Variants in NUP93 observed in about 807,000 individuals in gnomAD.
The protein encoded by NUP93 is nuclear pore complex protein Nup93.
In NUP93, 55 loss-of-function variants were observed where a neutral mutation model predicts 107.8. The ratio of observed to expected loss-of-function variants is 0.51; its 90% confidence interval spans 0.41 to 0.64. NUP93 has a LOEUF of 0.64. Ranked by LOEUF, NUP93 falls within the 30% of genes least tolerant of loss-of-function variation. NUP93 has a pLI of 0.00. For missense variants in NUP93, 937 were observed against 1,044.7 expected (o/e 0.90, Z 1.42); for synonymous variants, 390 against 397.5 (o/e 0.98, Z 0.22).
rs1207028953 is a variant in NUP93, at chr16:56,845,453, G to A, written c.*844G>A. ...CTCATTAAGGTAATTGGCCAGGCAG[G>A]CTCATGGGTCACGTGCTGAGTCTGC... On this transcript the variant is annotated 3_prime_UTR_variant, in exon 22 of 22. Transcript: ENST00000308159. 1.3e-5 allele frequency: 2 copies of A among 152,200 alleles called. No homozygotes were observed. The highest frequency in any genetic ancestry group is 2.9e-5 in the Non-Finnish European group (2 of 68,070). The allele number at this position is 152,200 out of a possible 1,614,324, so 9.4% of individuals were successfully genotyped here. A position where few individuals can be genotyped will look rare whatever the true frequency, so the allele number is the denominator to read the frequency against.
At chr16:56,744,534 G>A (rs547387772) in intron 1 of NUP93, among the ~76,000 whole-genome samples, 5 of 152,326 alleles carry the variant, frequency 3.3e-5, no homozygotes, top group Admixed American at 3.3e-4. Flanking sequence ...TCTACTGATT[G>A]AGTAATAATG....
At chr16:56,832,505 A>G in intron 12 of NUP93, 117 bp downstream of exon 12, 5 of 753,436 alleles carry the variant, frequency 6.6e-6, no homozygotes, top group South Asian at 3.2e-5. Context: ...CAAAACTCCT[A>G]TAGATTGTCA....
intron 4 of NUP93, among the ~76,000 whole-genome samples, chr16:56,804,403 G>T (rs1485283673): frequency 6.6e-6 from 1 of 152,142 alleles, no homozygotes; most frequent in Admixed American, 6.5e-5. Flanking sequence ...TCTGACACTT[G>T]CTACAACTCT....
At chr16:56,839,783 C>T (rs1195970902) in intron 20 of NUP93, 179 bp downstream of exon 20, 14 of 588,542 alleles carry the variant, frequency 2.4e-5, no homozygotes, top group South Asian at 1.2e-4. Context: ...TGCATACATC[C>T]CCATCAGATT....
intron 3 of NUP93, among the ~76,000 whole-genome samples, chr16:56,777,021 CGTGT>C (rs142691435): frequency 1.3e-5 from 2 of 151,736 alleles, no homozygotes; most frequent in Admixed American, 6.6e-5. Flanking sequence ...AGAGAGTGAG[CGTGT>C]GTGTGTGTGC....
intron 20 of NUP93, among the ~76,000 whole-genome samples, chr16:56,841,460 G>C (rs895290901): frequency 1.3e-5 from 2 of 152,210 alleles, no homozygotes; most frequent in Admixed American, 1.3e-4. Context: ...CCCTGACTAA[G>C]GGAAAAACAG....
rs556030605 is a variant in NUP93 at position 56,807,966 on chromosome 16, T to G, written c.489+2334T>G. Among the ~76,000 whole-genome samples the G allele has an allele frequency of 2.6e-3, 387 of 149,944 alleles. 2 individuals carry two copies. Among genetic ancestry groups the G allele is most frequent in the African/African-American group, 8.8e-3 (361 of 40,812 alleles). The stretch of plus-strand genomic sequence containing the variant: ...GAACCAGGGGAGTCGGAGGTCGCAG[T>G]GAGCTGAGATCCCGCCACTGCACTC... On this transcript the variant is annotated intron_variant, in intron 5 of 21. Coordinates refer to ENST00000308159, the MANE Select transcript of NUP93 (RefSeq NM_014669.5).
At chr16:56,764,304 A>G (rs1476625151) in intron 3 of NUP93, among the ~76,000 whole-genome samples, 1 of 152,160 alleles carries the variant, frequency 6.6e-6, no homozygotes, top group Non-Finnish European at 1.5e-5. Context: ...CAGCCTAGTC[A>G]ACATGGTGAA....
rs755838241 is a variant in NUP93, at chr16:56,748,216, A to AT, written c.-14-12dup. The AT allele has an allele frequency of 5.2e-6, 8 of 1,541,836 alleles. No homozygotes were observed. The highest frequency in any genetic ancestry group is 2.3e-5 in the South Asian group (2 of 86,056). Reference sequence around the variant, plus strand: ...TCTTTCCCTTGATTTAGATCTTTTCATTTTTTCTCCCATCTAGGATCTGCA... The same window carrying AT: ...TCTTTCCCTTGATTTAGATCTTTTCATTTTTTTCTCCCATCTAGGATCTGCA... On this transcript the variant is annotated splice_polypyrimidine_tract_variant and intron_variant, in intron 1 of 21. Coordinates refer to ENST00000308159, the MANE Select transcript of NUP93 (RefSeq NM_014669.5).
intron 1 of NUP93, among the ~76,000 whole-genome samples, chr16:56,742,866 C>T (rs1961761672): frequency 6.6e-6 from 1 of 152,132 alleles, no homozygotes; most frequent in Non-Finnish European, 1.5e-5. Flanking sequence ...AGTCCATAAG[C>T]CCTGAGTAAA....
chr16:56,750,659 A>T (rs1214195479), intron 2 of NUP93, among the ~76,000 whole-genome samples: 1 of 152,138 alleles, frequency 6.6e-6, no homozygotes, highest in Non-Finnish European at 1.5e-5. Flanking sequence ...ATACAGCCTT[A>T]AAGTTTTATT....
rs528720089 is a variant in NUP93 at position 56,791,439 on chromosome 16, C to A, written c.298-7037C>A. Among the ~76,000 whole-genome samples, 17 of 152,214 alleles carry A rather than the reference C, an allele frequency of 1.1e-4. 1 individual carries two copies. Among genetic ancestry groups the A allele is most frequent in the Admixed American group, 3.9e-4 (6 of 15,286 alleles). On this transcript the variant is annotated intron_variant, in intron 3 of 21. Coordinates refer to ENST00000308159, the MANE Select transcript of NUP93 (RefSeq NM_014669.5). Reference sequence around the variant, plus strand: ...CTGACTTTCCTGGCTAAGGTGGACACTGAATGTTTTTTTCACAAAGGCCCT... The same window carrying A: ...CTGACTTTCCTGGCTAAGGTGGACAATGAATGTTTTTTTCACAAAGGCCCT...
intron 1 of NUP93, among the ~76,000 whole-genome samples, chr16:56,741,381 TTTGA>T (rs1961737107): frequency 1.3e-5 from 2 of 152,222 alleles, no homozygotes; most frequent in African/African-American, 2.4e-5. Flanking sequence ...AATTACCATT[TTTGA>T]TTGATGAGGA....
chr16:56,751,061 T>C (rs1426852825), intron 2 of NUP93, among the ~76,000 whole-genome samples: 2 of 151,968 alleles, frequency 1.3e-5, no homozygotes, highest in Admixed American at 6.6e-5. Context: ...GGTAGGAGGA[T>C]TGCTTGAGCC....
At chr16:56,732,013 T>G (rs1360960869) in intron 1 of NUP93, among the ~76,000 whole-genome samples, 1 of 152,218 alleles carries the variant, frequency 6.6e-6, no homozygotes, top group African/African-American at 2.4e-5. Flanking sequence ...CAGTCTCATT[T>G]TCTGCTCCCT....
intron 8 of NUP93, among the ~76,000 whole-genome samples, chr16:56,827,066 A>AAAAAAAAAAAAAAAAAAAAT (rs1469520713): frequency 7.0e-6 from 1 of 143,022 alleles, no homozygotes; most frequent in African/African-American, 2.5e-5. Context: ...AAAAAAAAAA[A>AAAAAAAAAAAAAAAAAAAAT]AAATTTTGTT....
intron 8 of NUP93, among the ~76,000 whole-genome samples, chr16:56,827,338 T>C (rs1963689494): frequency 6.6e-6 from 1 of 152,140 alleles, no homozygotes; most frequent in South Asian, 2.1e-4. Context: ...GGTAGAAAAA[T>C]CATCATTTTG....
intron 20 of NUP93, among the ~76,000 whole-genome samples, chr16:56,840,996 CAAAAAA>C (rs11428485): frequency 1.0e-5 from 1 of 98,232 alleles, no homozygotes; most frequent in Non-Finnish European, 2.1e-5. Flanking sequence ...GACTTTGTCT[CAAAAAA>C]AAAAAAAAAA....
At position 56,731,897 on chromosome 16, in the gene NUP93, G is replaced by GA. The variant is rs1338722249; in HGVS notation, c.-15+1696dup. Among the ~76,000 whole-genome samples, 488 of 147,542 alleles carry GA rather than the reference G, an allele frequency of 3.3e-3. 1 individual carries two copies. Among genetic ancestry groups the GA allele is most frequent in the African/African-American group, 1.0e-2 (403 of 40,330 alleles). ...GATCGTATCATTCCTTTACTTAAAA[G>GA]AAAAAAAAAACCCTCCAATGGGTCC... On this transcript the variant is annotated intron_variant, in intron 1 of 21. Coordinates refer to ENST00000308159, the MANE Select transcript of NUP93 (RefSeq NM_014669.5).
Sources: gnomAD v4.1 joint callset for allele counts (sites outside exome capture counted in the v4.1 genomes callset) on GRCh38, gnomAD v4.1.1 for gene constraint, MANE v1.5 for transcripts, NCBI Gene and HGNC (gene_info 2026-07-23, HGNC 2026-07-21) for gene names.